Variants in ITPRID1 observed in about 807,000 individuals in gnomAD.
ITPRID1 encodes the protein protein ITPRID1.
Under a neutral mutation model 95.4 loss-of-function variants are expected in ITPRID1, and 96 were observed. The ratio of observed to expected loss-of-function variants is 1.01; its 90% confidence interval spans 0.85 to 1.19. The LOEUF (loss-of-function observed/expected upper bound fraction) is 1.19, where lower values mean the gene tolerates loss of function less well. ITPRID1 is among the 50% of genes most tolerant of loss of function. ITPRID1 has a pLI of 0.00. For synonymous variants in ITPRID1, 510 were observed against 453.6 expected, an observed-to-expected ratio of 1.12 and a Z score of -1.58; for missense variants, 1,339 against 1,252.9, an observed-to-expected ratio of 1.07 and a Z score of -1.04.
At chr7:31,582,641 T>G (rs1048956358) in intron 9 of ITPRID1, among the ~76,000 whole-genome samples, 1 of 152,202 alleles carries the variant, frequency 6.6e-6, no homozygotes, top group African/African-American at 2.4e-5. Context: ...TGTTTAATGA[T>G]AACTTTATTT....
chr7:31,515,611 A>G (rs965794457), intron 1 of ITPRID1, among the ~76,000 whole-genome samples: 3 of 152,172 alleles, frequency 2.0e-5, no homozygotes, highest in African/African-American at 7.2e-5. Context: ...AAAGAGTCAA[A>G]TGTATCTACT....
chr7:31,599,637 CT>C lies in ITPRID1; in HGVS notation c.1228+16449del, dbSNP rs774342513. ...TCTTTCTTTCTTTCTTTCTTTCTTT[CT>C]TTCTTTCTTTTTCTTTCTTTCCTTT... On this transcript the variant is annotated intron_variant, in intron 10 of 14. Coordinates refer to ENST00000615280, the MANE Select transcript of ITPRID1 (RefSeq NM_001257967.3). 3.1e-5 allele frequency among the ~76,000 whole-genome samples: 3 copies of C among 97,850 alleles called. No individual in the cohort carries two copies. In the Admixed American group the frequency reaches 3.2e-4, roughly 10 times the overall value. The allele number at this position is 97,850 out of a possible 152,430, so 64.2% of individuals were successfully genotyped here.
intron 10 of ITPRID1, among the ~76,000 whole-genome samples, chr7:31,623,629 CA>C (rs530928559): frequency 0.13 from 17,724 of 138,742 alleles, 1,477 homozygotes; most frequent in Middle Eastern, 0.18. Context: ...CTATCTATGA[CA>C]AACCCACAGC....
chr7:31,532,168 G>A (rs1783620190), intron 1 of ITPRID1, among the ~76,000 whole-genome samples: 2 of 151,868 alleles, frequency 1.3e-5, no homozygotes, highest in African/African-American at 2.4e-5. Context: ...TTGCATGTAT[G>A]TTTATTGTAT....
chr7:31,516,937 C>T lies in ITPRID1; in HGVS notation c.-98+2817C>T, dbSNP rs898848070. Reference sequence around the variant, plus strand: ...GTCCCTTCTGACGTTCGGACCTGTCCGGAGTTTCTTCCTGCTGGTGGGTTT... The same window carrying T: ...GTCCCTTCTGACGTTCGGACCTGTCTGGAGTTTCTTCCTGCTGGTGGGTTT... On this transcript the variant is annotated intron_variant, in intron 1 of 14. Transcript: ENST00000615280. Among the ~76,000 whole-genome samples the T allele has an allele frequency of 1.2e-4, 18 of 152,268 alleles. 1 individual carries two copies. Among genetic ancestry groups the T allele is most frequent in the Admixed American group, 3.9e-4 (6 of 15,302 alleles).
chr7:31,610,069 T>G (rs1403626623), intron 10 of ITPRID1, among the ~76,000 whole-genome samples: 1 of 151,626 alleles, frequency 6.6e-6, no homozygotes, highest in African/African-American at 2.4e-5. Flanking sequence ...TTGCTACATA[T>G]TTGTGAATTG....
At chr7:31,622,475 A>G (rs1440291315) in intron 10 of ITPRID1, among the ~76,000 whole-genome samples, 1 of 150,516 alleles carries the variant, frequency 6.6e-6, no homozygotes, top group Non-Finnish European at 1.5e-5. Flanking sequence ...GCTCAACTAC[A>G]TGGAAACTGA....
rs66543091 is a variant in ITPRID1, at chr7:31,537,095, T to TTGTGTGTGTGTG, written c.-97-12303_-97-12292dup. Among the ~76,000 whole-genome samples, 308 of 145,668 alleles carry TTGTGTGTGTGTG rather than the reference T, an allele frequency of 2.1e-3. 1 individual carries two copies. The highest frequency in any genetic ancestry group is 6.1e-3 in the African/African-American group (237 of 39,000). On this transcript the variant is annotated intron_variant, in intron 1 of 14. Coordinates refer to ENST00000615280, the MANE Select transcript of ITPRID1 (RefSeq NM_001257967.3). ...ATTGTATGCCTAGAAGGTGTGTGTGTTGTGTGTGTGTGTGTGTGTGTGTGT... is the reference window on the plus strand; with the variant it reads ...ATTGTATGCCTAGAAGGTGTGTGTGTTGTGTGTGTGTGTGTGTGTGTGTGTGTGTGTGTGTGT...
chr7:31,588,223 G>T (rs946058477), intron 10 of ITPRID1, among the ~76,000 whole-genome samples: 1 of 152,136 alleles, frequency 6.6e-6, no homozygotes, highest in African/African-American at 2.4e-5. Context: ...AAAGAGTGGA[G>T]GGAGTTTCAA....
intron 5 of ITPRID1, among the ~76,000 whole-genome samples, chr7:31,567,092 T>C (rs1207289703): frequency 6.6e-6 from 1 of 152,208 alleles, no homozygotes; most frequent in Non-Finnish European, 1.5e-5. Flanking sequence ...ACTGGTGTTC[T>C]GATTCTAAGT....
chr7:31,587,072 C>G lies in ITPRID1; in HGVS notation c.1228+3881C>G, dbSNP rs1785646993. Among the ~76,000 whole-genome samples the G allele has an allele frequency of 2.0e-5, 3 of 152,290 alleles. No individual in the cohort carries two copies. In the South Asian group the frequency reaches 6.2e-4, roughly 32 times the overall value. ...AAACTGGAAGCATTCCTTTTGAAAA[C>G]TGGCACAAGACAGGGATGCCCTCTC... On this transcript the variant is annotated intron_variant, in intron 10 of 14. Transcript: ENST00000615280.
chr7:31,551,157 T>C (rs554412864), intron 2 of ITPRID1, among the ~76,000 whole-genome samples: 2 of 143,526 alleles, frequency 1.4e-5, no homozygotes, highest in Non-Finnish European at 3.1e-5. Context: ...ATGAATGTTG[T>C]TGAGCATGGT....
chr7:31,625,665 T>C (rs1393773402), intron 10 of ITPRID1, among the ~76,000 whole-genome samples: 2 of 151,078 alleles, frequency 1.3e-5, no homozygotes, highest in African/African-American at 4.8e-5. Flanking sequence ...GAGATATACC[T>C]AATGCTAGAT....
At chr7:31,564,061 A>G (rs925183665) in intron 5 of ITPRID1, among the ~76,000 whole-genome samples, 1 of 152,196 alleles carries the variant, frequency 6.6e-6, no homozygotes, top group Admixed American at 6.6e-5. Flanking sequence ...ACGATATTCC[A>G]AAGAACCAAA....
chr7:31,516,696 C>G (rs1298359265), intron 1 of ITPRID1, among the ~76,000 whole-genome samples: 1 of 152,148 alleles, frequency 6.6e-6, no homozygotes, highest in Non-Finnish European at 1.5e-5. Context: ...CCTATGTGTC[C>G]ATTTGCACTT....
chr7:31,585,575 G>A (rs1171679780), intron 10 of ITPRID1, among the ~76,000 whole-genome samples: 4 of 152,112 alleles, frequency 2.6e-5, no homozygotes, highest in South Asian at 2.1e-4. Flanking sequence ...CATTGTGGGC[G>A]AAGTTGCAGA....
intron 5 of ITPRID1, 73 bp downstream of exon 5, chr7:31,554,974 C>A: frequency 1.8e-6 from 2 of 1,129,508 alleles, no homozygotes; most frequent in Non-Finnish European, 2.6e-6. Flanking sequence ...GTGAATAAAT[C>A]TTCTTAAAAT....
intron 10 of ITPRID1, among the ~76,000 whole-genome samples, chr7:31,585,834 C>CT (rs561345517): frequency 2.6e-4 from 39 of 149,614 alleles, no homozygotes; most frequent in South Asian, 1.3e-3. Context: ...CATGACAAAT[C>CT]TTTTTTTTTT....
chr7:31,621,466 A>C (rs4374889), intron 10 of ITPRID1, among the ~76,000 whole-genome samples: 62,463 of 118,924 alleles, frequency 0.53, 16,864 homozygotes, highest in East Asian at 0.81. Context: ...ATTCTTAAAG[A>C]AAAGAATTTT....
Sources: gnomAD v4.1 joint callset for allele counts (sites outside exome capture counted in the v4.1 genomes callset) on GRCh38, gnomAD v4.1.1 for gene constraint, MANE v1.5 for transcripts, NCBI Gene and HGNC (gene_info 2026-07-23, HGNC 2026-07-21) for gene names.